AKAP13: variants seen among roughly 807,000 people sequenced by gnomAD.
The protein encoded by AKAP13 is A-kinase anchoring protein 13.
Under a neutral mutation model 264.5 loss-of-function variants are expected in AKAP13, and 80 were observed. The observed-to-expected ratio is 0.30, with a 90% CI of 0.25 to 0.36. AKAP13 has a LOEUF of 0.36. Ranked by LOEUF, AKAP13 falls within the 10% of genes least tolerant of loss-of-function variation. The pLI is 1.00. For missense variants in AKAP13, 3,712 were observed against 3,435.2 expected (o/e 1.08, Z -2.01); for synonymous variants, 1,380 against 1,250.2 (o/e 1.10, Z -2.19).
chr15:85,651,468 A>G (rs1410948778), intron 10 of AKAP13: 1 of 152,232 alleles, frequency 6.6e-6, no homozygotes, highest in Non-Finnish European at 1.5e-5. Flanking sequence ...GGTGAAGTTT[A>G]CATACAGTGA....
intron 5 of AKAP13, among the ~76,000 whole-genome samples, chr15:85,574,261 T>C (rs926532390): frequency 9.2e-5 from 14 of 152,204 alleles, no homozygotes; most frequent in Non-Finnish European, 1.5e-4. Context: ...GCCTCATCCC[T>C]GTTTATTGTA....
chr15:85,621,561 G>T (rs1048411336), intron 8 of AKAP13: 1 of 152,044 alleles, frequency 6.6e-6, no homozygotes, highest in African/African-American at 2.4e-5. Flanking sequence ...AGTATCACAA[G>T]AAATATTGAA....
At chr15:85,619,083 C>T (rs1288900739) in intron 8 of AKAP13, among the ~76,000 whole-genome samples, 2 of 152,110 alleles carry the variant, frequency 1.3e-5, no homozygotes, top group Non-Finnish European at 1.5e-5. Context: ...CCTTTATTAG[C>T]ATACTACTCT....
chr15:85,685,822 C>T (rs8040041), intron 16 of AKAP13, among the ~76,000 whole-genome samples: 14,393 of 152,074 alleles, frequency 0.095, 900 homozygotes, highest in African/African-American at 0.18. Context: ...TTCACATGCT[C>T]ATTATGGAAA....
chr15:85,448,456 A>G (rs572333660), intron 1 of AKAP13, among the ~76,000 whole-genome samples: 1 of 152,224 alleles, frequency 6.6e-6, no homozygotes, highest in East Asian at 1.9e-4. Flanking sequence ...TAAGTCCAGG[A>G]TGATATCACC....
chr15:85,556,192 C>T (rs1315598118), intron 5 of AKAP13, among the ~76,000 whole-genome samples: 1 of 152,170 alleles, frequency 6.6e-6, no homozygotes, highest in Non-Finnish European at 1.5e-5. Flanking sequence ...TGATACCTGC[C>T]TCAGAGTTTT....
chr15:85,543,896 G>T lies in AKAP13; in HGVS notation c.603G>T (p.Ala201=). 6.2e-7 allele frequency: 1 copy of T among 1,614,054 alleles called. No individual in the cohort carries two copies. The change falls in exon 5 of 37, where the codon GCG becomes GCT. Residue 201 remains alanine (A), a synonymous_variant. Coordinates refer to ENST00000394518, the MANE Select transcript of AKAP13 (RefSeq NM_007200.5). ...TCAGTATCCACAACCAGGAAGGGGC[G>T]ACGCCTGTGAGCTTGGCCTTGGAGC... is the stretch of plus-strand genomic sequence containing the variant. ...GALSIHNQEG[A]TPVSLALERG...
chr15:85,502,715 A>T lies in AKAP13; in HGVS notation c.33+16962A>T, dbSNP rs538481959. ...GGTTAAGTACTGTGGGTTGTTTGAT[A>T]CTCATGTAACTATTCGTTAGAAATC... is the stretch of plus-strand genomic sequence containing the variant. On this transcript the variant is annotated intron_variant, in intron 2 of 36. Transcript: ENST00000394518. Among the ~76,000 whole-genome samples the T allele has an allele frequency of 6.6e-5, 10 of 152,312 alleles. No individual in the cohort carries two copies. The South Asian group carries it at 2.1e-3, about 32-fold the overall frequency.
intron 1 of AKAP13, among the ~76,000 whole-genome samples, chr15:85,383,078 T>C (rs2070375699): frequency 6.6e-6 from 1 of 152,164 alleles, no homozygotes; most frequent in African/African-American, 2.4e-5. Flanking sequence ...TGTTTTTTTT[T>C]AGAGTCGGAA....
chr15:85,629,116 G>C (rs2081572299), intron 8 of AKAP13, among the ~76,000 whole-genome samples: 1 of 152,086 alleles, frequency 6.6e-6, no homozygotes, highest in Non-Finnish European at 1.5e-5. Flanking sequence ...AAGATTGCTT[G>C]AGCCCAGGAG....
chr15:85,460,125 A>G (rs1218279575), intron 1 of AKAP13, among the ~76,000 whole-genome samples: 1 of 152,166 alleles, frequency 6.6e-6, no homozygotes, highest in African/African-American at 2.4e-5. Context: ...CAGACTTTTA[A>G]TGGCTTCCCA....
chr15:85,726,528 T>G lies in AKAP13; in HGVS notation c.6822+42T>G, dbSNP rs753362814. 3 of 1,530,224 alleles carry G rather than the reference T, an allele frequency of 2.0e-6. No individual in the cohort carries two copies. The South Asian group carries it at 3.4e-5, about 17-fold the overall frequency. The allele number at this position is 1,530,224 out of a possible 1,614,324, so 94.8% of individuals were successfully genotyped here. ...TTTTTGTAATAGTATTATAAGCAGCTAGTTTAGTTATGGAATGTAAGCACT... is the reference window on the plus strand; with the variant it reads ...TTTTTGTAATAGTATTATAAGCAGCGAGTTTAGTTATGGAATGTAAGCACT... On this transcript the variant is annotated intron_variant, in intron 27 of 36. Coordinates refer to ENST00000394518, the MANE Select transcript of AKAP13 (RefSeq NM_007200.5).
At chr15:85,480,449 C>T (rs919382188) in intron 1 of AKAP13, among the ~76,000 whole-genome samples, 1 of 152,144 alleles carries the variant, frequency 6.6e-6, no homozygotes, top group Non-Finnish European at 1.5e-5. Context: ...GTATAGGAAG[C>T]ATTATTATGC....
In AKAP13 at chr15:85,403,618, A is replaced by G. The variant is rs539447977; in HGVS notation, c.-12+22820A>G. On this transcript the variant is annotated intron_variant, in intron 1 of 36. Coordinates refer to ENST00000394518, the MANE Select transcript of AKAP13 (RefSeq NM_007200.5). Reference sequence around the variant, plus strand: ...CCCTTTGGGAAGCTGAGGTGGGTGGATCACCTGAGGTCAGGAGTTCGAGAT... The same window carrying G: ...CCCTTTGGGAAGCTGAGGTGGGTGGGTCACCTGAGGTCAGGAGTTCGAGAT... 2.4e-4 allele frequency among the ~76,000 whole-genome samples: 37 copies of G among 152,244 alleles called. No homozygotes were observed. In the South Asian group the frequency reaches 7.7e-3, roughly 32 times the overall value.
chr15:85,384,147 A>G (rs2070433467), intron 1 of AKAP13, among the ~76,000 whole-genome samples: 1 of 152,242 alleles, frequency 6.6e-6, no homozygotes, highest in African/African-American at 2.4e-5. Flanking sequence ...TAAAAATTAT[A>G]TTTGATCAAA....
At chr15:85,448,734 T>C (rs771302455) in intron 1 of AKAP13, among the ~76,000 whole-genome samples, 28 of 152,182 alleles carry the variant, frequency 1.8e-4, no homozygotes, top group Non-Finnish European at 3.5e-4. Context: ...TGTGCCTGTT[T>C]TGTACCAGTA....
At chr15:85,448,038 T>C (rs989250549) in intron 1 of AKAP13, among the ~76,000 whole-genome samples, 3 of 152,234 alleles carry the variant, frequency 2.0e-5, no homozygotes, top group African/African-American at 7.2e-5. Flanking sequence ...ATCTGCTGTT[T>C]TTTTGACTTT....
chr15:85,507,174 C>T (rs2151108629), intron 2 of AKAP13, among the ~76,000 whole-genome samples: 1 of 152,136 alleles, frequency 6.6e-6, no homozygotes, highest in South Asian at 2.1e-4. Flanking sequence ...TCTACTAAAT[C>T]AGGGGGTCTT....
At chr15:85,566,495 A>G (rs1320110169) in intron 5 of AKAP13, among the ~76,000 whole-genome samples, 1 of 152,200 alleles carries the variant, frequency 6.6e-6, no homozygotes, top group African/African-American at 2.4e-5. Context: ...TCTAGCCTCT[A>G]GCATAGTGCC....
Sources: gnomAD v4.1 joint callset for allele counts (sites outside exome capture counted in the v4.1 genomes callset) on GRCh38, gnomAD v4.1.1 for gene constraint, MANE v1.5 for transcripts, NCBI Gene and HGNC (gene_info 2026-07-23, HGNC 2026-07-21) for gene names.